The following YARS2 variants were observed in gnomAD, a reference collection of about 807,000 sequenced individuals.
YARS2 encodes tyrosine--tRNA ligase, mitochondrial.
YARS2 carries 38 observed loss-of-function variants against 45.0 expected under a neutral mutation model. The ratio of observed to expected loss-of-function variants is 0.84; its 90% CI spans 0.65 to 1.11. The LOEUF is 1.11. Ranked by LOEUF, YARS2 falls within the 50% of genes least tolerant of loss-of-function variation. The probability of loss-of-function intolerance (pLI) is 0.00; values close to 1 mark genes in which losing one functional copy is unlikely to be tolerated. For synonymous variants in YARS2, 287 were observed against 245.1 expected, an observed-to-expected ratio of 1.17 and a Z score of -1.60; for missense variants, 602 against 599.8, an observed-to-expected ratio of 1.00 and a Z score of -0.04.
rs115606831 is a variant in YARS2, at chr12:32,755,533, G to A, written c.342C>T (p.Gly114=). The change falls in exon 1 of 5, where the codon GGC becomes GGT. Residue 114 remains glycine (G), a synonymous_variant. Transcript: ENST00000324868. ...AGHNVIALVG[G]ATARLGDPSG... Reference sequence around the variant, plus strand: ...TCGGGTCTCCCAGGCGCGCCGTGGCGCCTCCCACCAGCGCGATCACGTTGT... The same window carrying A: ...TCGGGTCTCCCAGGCGCGCCGTGGCACCTCCCACCAGCGCGATCACGTTGT... 6.4e-4 allele frequency: 1,033 copies of A among 1,613,260 alleles called. 7 individuals carry two copies. In the African/African-American group the frequency reaches 0.011, roughly 17 times the overall value.
Position 32,750,864 on chromosome 12 carries a change from G to A in YARS2, c.958C>T (p.Leu320=), listed in dbSNP as rs768048950. Reference sequence around the variant, plus strand: ...TCTGGAAGGGGCAGGAAAGTGAACAGCTTCAGGTACCTTTGAGACAAAAAA... The same window carrying A: ...TCTGGAAGGGGCAGGAAAGTGAACAACTTCAGGTACCTTTGAGACAAAAAA... ...PDDSVERYLK[L]FTFLPLPEID... Residue 320 remains leucine (L), a synonymous_variant, in exon 3 of 5, where the codon CTG becomes TTG. Coordinates refer to ENST00000324868, the MANE Select transcript of YARS2 (RefSeq NM_001040436.3). 1 of 1,613,974 alleles carries A rather than the reference G, an allele frequency of 6.2e-7. No homozygotes were observed. The highest frequency in any genetic ancestry group is 8.5e-7 in the Non-Finnish European group (1 of 1,180,002).
At chr12:32,749,111 G>A (rs1245140633) in intron 4 of YARS2, among the ~76,000 whole-genome samples, 7 of 152,034 alleles carry the variant, frequency 4.6e-5, no homozygotes, top group African/African-American at 1.2e-4. Context: ...GTCTTATGAC[G>A]TTAGTAGGTT....
rs1955800230 is a variant in YARS2, at chr12:32,754,115, C to T, written c.780-30G>A. On this transcript the variant is annotated intron_variant, in intron 1 of 4. Coordinates refer to ENST00000324868, the MANE Select transcript of YARS2 (RefSeq NM_001040436.3). ...GCATAAAGAACAATTTCATTATGTG[C>T]CTCAAGCACAAGTGGTGGTAGGTTC... The T allele has an allele frequency of 1.9e-6, 3 of 1,613,704 alleles. No individual in the cohort carries two copies. The East Asian group carries it at 6.7e-5, about 36-fold the overall frequency.
In YARS2 at chr12:32,755,015, A is replaced by G. The variant is rs1354633412; in HGVS notation, c.779+81T>C. On this transcript the variant is annotated intron_variant, in intron 1 of 4. Transcript: ENST00000324868. ...AGAGCTGGAACGAAGGGCAGCAACT[A>G]CAATCCTAAGAGTGAATCACAGGCT... 5 of 1,578,976 alleles carry G rather than the reference A, an allele frequency of 3.2e-6. No homozygotes were observed. In the African/African-American group the frequency reaches 5.4e-5, roughly 17 times the overall value.
Position 32,755,376 on chromosome 12 carries a change from T to C in YARS2, c.499A>G (p.Ser167Gly). 1 of 1,614,050 alleles carries C rather than the reference T, an allele frequency of 6.2e-7. No homozygotes were observed. The highest frequency in any genetic ancestry group is 8.5e-7 in the Non-Finnish European group (1 of 1,180,044). The change falls in exon 1 of 5, where the codon AGC becomes GGC. Residue 167 changes from serine to glycine, a missense_variant. Transcript: ENST00000324868. ...GCCGAGTTGTCCAGCACAGTGAAGC[T>C]GCCCCAGGAGCGCCCATCAGTGAAA... ...QLFTDGRSWG[S>G]FTVLDNSAWY...
intron 1 of YARS2, among the ~76,000 whole-genome samples, chr12:32,754,603 C>G (rs1955809938): frequency 6.6e-6 from 1 of 152,136 alleles, no homozygotes; most frequent in Non-Finnish European, 1.5e-5. Context: ...CTCAAGGAGG[C>G]CCAGTCACGT....
At chr12:32,751,943 C>T (rs868716505) in intron 2 of YARS2, among the ~76,000 whole-genome samples, 1 of 152,142 alleles carries the variant, frequency 6.6e-6, no homozygotes, top group Non-Finnish European at 1.5e-5. Context: ...TGTACTTTTT[C>T]TATGTTTACG....
chr12:32,748,480 G>T (rs1955682302), intron 4 of YARS2, among the ~76,000 whole-genome samples: 1 of 151,964 alleles, frequency 6.6e-6, no homozygotes, highest in Non-Finnish European at 1.5e-5. Flanking sequence ...AAAAAAATCA[G>T]TATTACTTAG....
Position 32,753,980 on chromosome 12 carries a change from A to C in YARS2, c.885T>G (p.Asp295Glu). 6.2e-7 allele frequency: 1 copy of C among 1,614,234 alleles called. No individual in the cohort carries two copies. Among genetic ancestry groups the C allele is most frequent in the Non-Finnish European group, 8.5e-7 (1 of 1,180,044 alleles). Residue 295 changes from aspartate to glutamate, a missense_variant, in exon 2 of 5, where the codon GAT becomes GAG. Coordinates refer to ENST00000324868, the MANE Select transcript of YARS2 (RefSeq NM_001040436.3). ...SAGNAVWLNR[D>E]KTSPFELYQF... ...GATACAATTCAAATGGAGATGTCTT[A>C]TCTCTGTTTAGCCAAACAGCGTTGC... is the stretch of plus-strand genomic sequence containing the variant.
chr12:32,747,507 CTAT>C (rs1955665601), intron 4 of YARS2, 144 bp from the exon 5 acceptor site: 1 of 813,040 alleles, frequency 1.2e-6, no homozygotes, highest in East Asian at 2.6e-5. Flanking sequence ...CATGTTTGCT[CTAT>C]TATTAATAGA....
Position 32,747,200 on chromosome 12 carries a change from T to C in YARS2, c.*4A>G, listed in dbSNP as rs1427664217. On this transcript the variant is annotated 3_prime_UTR_variant, in exon 5 of 5. Coordinates refer to ENST00000324868, the MANE Select transcript of YARS2 (RefSeq NM_001040436.3). ...TTTATTTGGACAACCAGAAGGACTT[T>C]TCATCACAACTGAAGCCATTTTATA... The C allele has an allele frequency of 6.2e-7, 1 of 1,612,198 alleles. No homozygotes were observed. The highest frequency in any genetic ancestry group is 1.1e-5 in the South Asian group (1 of 90,974).
chr12:32,754,084 A>G lies in YARS2; in HGVS notation c.781T>C (p.Leu261=). The change falls in exon 2 of 5, where the codon TTG becomes CTG. Residue 261 remains leucine (L), a splice_region_variant and synonymous_variant. Coordinates refer to ENST00000324868, the MANE Select transcript of YARS2 (RefSeq NM_001040436.3). ...IMSGYEFINK[L]TGEDVFGITV... Reference sequence around the variant, plus strand: ...ATTCCAAATACATCTTCTCCAGTCAACCTACGCATAAAGAACAATTTCATT... The same window carrying G: ...ATTCCAAATACATCTTCTCCAGTCAGCCTACGCATAAAGAACAATTTCATT... The G allele has an allele frequency of 6.2e-7, 1 of 1,614,178 alleles. No individual in the cohort carries two copies.
At position 32,753,950 on chromosome 12, in the gene YARS2, G is replaced by T. The variant is rs1955796060; in HGVS notation, c.915C>A (p.Phe305Leu). 1 of 1,614,182 alleles carries T rather than the reference G, an allele frequency of 6.2e-7. No individual in the cohort carries two copies. Among genetic ancestry groups the T allele is most frequent in the Non-Finnish European group, 8.5e-7 (1 of 1,180,038 alleles). The change falls in exon 2 of 5, where the codon TTC becomes TTA. Residue 305 changes from phenylalanine (F) to leucine (L), a missense_variant. Phe to Leu is a conservative substitution (Grantham distance 22). Coordinates refer to ENST00000324868, the MANE Select transcript of YARS2 (RefSeq NM_001040436.3). The stretch of plus-strand genomic sequence containing the variant: ...CTGAATCGTCCGGTTGCCTGACAAA[G>T]AATTGATACAATTCAAATGGAGATG... ...DKTSPFELYQ[F>L]FVRQPDDSVE...
Position 32,750,800 on chromosome 12 carries a change from T to C in YARS2, c.1022A>G (p.Glu341Gly), listed in dbSNP as rs749543153. The C allele has an allele frequency of 1.2e-6, 2 of 1,614,198 alleles. No individual in the cohort carries two copies. The highest frequency in any genetic ancestry group is 3.3e-5 in the Admixed American group (2 of 60,030). ...CAGTCGTTTCTGAGGACCCCGCCTT[T>C]CTGGCTCTTTGACATGCAGCTGCAT... ...HIMQLHVKEP[E>G]RRGPQKRLAA... The change falls in exon 3 of 5, where the codon GAA (glutamate) becomes GGA (glycine). Residue 341 changes from glutamate to glycine, a missense_variant. Transcript: ENST00000324868.
Position 32,755,626 on chromosome 12 carries a change from C to G in YARS2, c.249G>C (p.Thr83=), listed in dbSNP as rs374166101. Residue 83 remains threonine (T), a synonymous_variant, in exon 1 of 5, where the codon ACG becomes ACC. Transcript: ENST00000324868. ...PQTIYCGFDP[T]ADSLHVGHLL... ...GATGACCCACATGAAGCGAGTCTGC[C>G]GTGGGGTCGAAGCCACAGTAAATGG... is the stretch of plus-strand genomic sequence containing the variant. 3.1e-6 allele frequency: 5 copies of G among 1,614,150 alleles called. No individual in the cohort carries two copies. Among genetic ancestry groups the G allele is most frequent in the East Asian group, 2.2e-5 (1 of 44,884 alleles).
At position 32,753,946 on chromosome 12, in the gene YARS2, C is replaced by T. The variant is rs1955795948; in HGVS notation, c.919G>A (p.Val307Ile). 6.2e-7 allele frequency: 1 copy of T among 1,614,188 alleles called. No individual in the cohort carries two copies. Among genetic ancestry groups the T allele is most frequent in the Non-Finnish European group, 8.5e-7 (1 of 1,180,032 alleles). ...TCCACTGAATCGTCCGGTTGCCTGA[C>T]AAAGAATTGATACAATTCAAATGGA... is the stretch of plus-strand genomic sequence containing the variant. ...TSPFELYQFF[V>I]RQPDDSVERY... Residue 307 changes from valine to isoleucine, a missense_variant, in exon 2 of 5, where the codon GTC (valine) becomes ATC (isoleucine). By Grantham distance (29) the Val-to-Ile change is conservative. Coordinates refer to ENST00000324868, the MANE Select transcript of YARS2 (RefSeq NM_001040436.3).
Position 32,755,865 on chromosome 12 carries a change from G to A in YARS2, c.10C>T (p.Pro4Ser). The change falls in exon 1 of 5, where the codon CCC becomes TCC. Residue 4 changes from proline to serine, a missense_variant. Pro to Ser is a moderately conservative substitution (Grantham distance 74). Transcript: ENST00000324868. ...CCCCAGGAAAAGGACCGCAAGATGG[G>A]CGCCGCCATCTTGGTAGCGGCACGA... The part of the protein sequence containing the change: MAA[P>S]ILRSFSWGRW... 5 of 1,613,152 alleles carry A rather than the reference G, an allele frequency of 3.1e-6. No individual in the cohort carries two copies. Among genetic ancestry groups the A allele is most frequent in the South Asian group, 2.2e-5 (2 of 91,088 alleles).
intron 2 of YARS2, among the ~76,000 whole-genome samples, chr12:32,752,391 A>AAT (rs1955762221): frequency 6.6e-6 from 1 of 152,084 alleles, no homozygotes; most frequent in Non-Finnish European, 1.5e-5. Flanking sequence ...ATTTAAAGGT[A>AAT]ATATATATAA....
rs377140710 is a variant in YARS2, at chr12:32,750,831, G to T, written c.991C>A (p.His331Asn). 6.2e-7 allele frequency: 1 copy of T among 1,614,132 alleles called. No homozygotes were observed. Among genetic ancestry groups the T allele is most frequent in the Non-Finnish European group, 8.5e-7 (1 of 1,180,034 alleles). Residue 331 changes from histidine to asparagine, a missense_variant, in exon 3 of 5, where the codon CAT (histidine) becomes AAT (asparagine). Transcript: ENST00000324868. ...FTFLPLPEID[H>N]IMQLHVKEPE... ...TCTTTGACATGCAGCTGCATGATAT[G>T]ATCAATCTCTGGAAGGGGCAGGAAA...
Sources: allele counts gnomAD v4.1 joint callset (sites outside exome capture counted in the v4.1 genomes callset), GRCh38; gene constraint gnomAD v4.1.1; transcripts MANE v1.5; gene names NCBI Gene and HGNC (gene_info 2026-07-23, HGNC 2026-07-21).